MLLT3: variants seen among roughly 807,000 people sequenced by gnomAD.
MLLT3 encodes the protein protein AF-9.
Under a neutral mutation model 53.2 loss-of-function variants are expected in MLLT3, and 4 were observed. The observed-to-expected ratio is 0.08, with a 90% CI of 0.04 to 0.17. The LOEUF is 0.17. Ranked by LOEUF, MLLT3 falls within the 10% of genes least tolerant of loss-of-function variation. The pLI, the probability that MLLT3 is intolerant of heterozygous loss-of-function variation, is 1.00. For synonymous variants in MLLT3, 283 were observed against 230.6 expected (o/e 1.23, Z -2.06); for missense variants, 569 against 684.0 (o/e 0.83, Z 1.87).
chr9:20,585,309 C>T (rs750637518), intron 2 of MLLT3, among the ~76,000 whole-genome samples: 1 of 152,120 alleles, frequency 6.6e-6, no homozygotes, highest in Admixed American at 6.5e-5. Flanking sequence ...TACACAACAT[C>T]CTGTCCCTTC....
intron 2 of MLLT3, among the ~76,000 whole-genome samples, chr9:20,593,258 C>T (rs574435881): frequency 6.6e-6 from 1 of 152,310 alleles, no homozygotes; most frequent in South Asian, 2.1e-4. Context: ...CAGATCTCAA[C>T]ATTTAAAAAT....
At chr9:20,535,230 T>C (rs1372171674) in intron 2 of MLLT3, among the ~76,000 whole-genome samples, 2 of 152,216 alleles carry the variant, frequency 1.3e-5, no homozygotes, top group Non-Finnish European at 2.9e-5. Flanking sequence ...TGAGGGATCT[T>C]GGTTGTGCAC....
chr9:20,358,442 C>A (rs1056615305), intron 8 of MLLT3, among the ~76,000 whole-genome samples: 2 of 152,186 alleles, frequency 1.3e-5, no homozygotes, highest in African/African-American at 4.8e-5. Context: ...GCCAAATAAA[C>A]ACGCCAAGGA....
intron 2 of MLLT3, among the ~76,000 whole-genome samples, chr9:20,473,824 T>C (rs184546955): frequency 9.9e-4 from 151 of 152,246 alleles, no homozygotes; most frequent in Middle Eastern, 3.4e-3. Flanking sequence ...GCCTGGCTCA[T>C]ATACAACAAT....
chr9:20,620,935 C>A lies in MLLT3; in HGVS notation c.13-101G>T. 64 of 1,294,818 alleles carry A rather than the reference C, an allele frequency of 4.9e-5. No homozygotes were observed. The highest frequency in any genetic ancestry group is 9.9e-5 in the East Asian group (4 of 40,528). 80.2% of individuals were successfully genotyped at this position (1,294,818 alleles called of 1,614,324 possible). The stretch of plus-strand genomic sequence containing the variant: ...TTTTTTTCCTCCTTCTTGAAACGCA[C>A]ATAAAAGGAAACGGCGGTGCCCTCT... On this transcript the variant is annotated intron_variant, in intron 1 of 10. Transcript: ENST00000380338. The surrounding 1 kb of genome is among the most constrained non-coding windows in gnomAD (Gnocchi z 6.1).
intron 4 of MLLT3, among the ~76,000 whole-genome samples, chr9:20,442,607 C>A (rs1823582517): frequency 6.6e-6 from 1 of 152,140 alleles, no homozygotes; most frequent in Non-Finnish European, 1.5e-5. Flanking sequence ...AGATTCATTC[C>A]AAATCCTTGT....
At chr9:20,504,381 T>A (rs1825331085) in intron 2 of MLLT3, among the ~76,000 whole-genome samples, 3 of 146,966 alleles carry the variant, frequency 2.0e-5, no homozygotes, top group Admixed American at 1.4e-4. Flanking sequence ...TGTACAAATA[T>A]AATTATATTA....
At chr9:20,534,232 C>T (rs755348622) in intron 2 of MLLT3, among the ~76,000 whole-genome samples, 3 of 152,064 alleles carry the variant, frequency 2.0e-5, no homozygotes, top group Non-Finnish European at 2.9e-5. Flanking sequence ...AAGTTGCTAC[C>T]GTGGGAGAAC....
Position 20,391,588 on chromosome 9 carries a change from A to G in MLLT3, c.1125+22133T>C, listed in dbSNP as rs150714333. Among the ~76,000 whole-genome samples the G allele has an allele frequency of 9.7e-3, 1,470 of 152,252 alleles. 45 individuals carry two copies. The highest frequency in any genetic ancestry group is 0.058 in the Admixed American group (889 of 15,294). ...ATCATCTCATCTCACCTATCCATCTATTTATTTACTGAATATTTTCATGAG... is the reference window on the plus strand; with the variant it reads ...ATCATCTCATCTCACCTATCCATCTGTTTATTTACTGAATATTTTCATGAG... On this transcript the variant is annotated intron_variant, in intron 5 of 10. Transcript: ENST00000380338.
intron 2 of MLLT3, among the ~76,000 whole-genome samples, chr9:20,555,270 T>C (rs1819027807): frequency 6.6e-6 from 1 of 152,186 alleles, no homozygotes; most frequent in Non-Finnish European, 1.5e-5. Context: ...GAAAACACAG[T>C]TTCCTCTGTA....
chr9:20,558,932 T>C (rs1396030158), intron 2 of MLLT3, among the ~76,000 whole-genome samples: 1 of 152,184 alleles, frequency 6.6e-6, no homozygotes, highest in Admixed American at 6.5e-5. Context: ...TCTCATAGCT[T>C]AGTCACAGTC....
rs555845901 is a variant in MLLT3, at chr9:20,531,429, C to T, written c.194-74643G>A. 5.3e-5 allele frequency among the ~76,000 whole-genome samples: 8 copies of T among 152,258 alleles called. No individual in the cohort carries two copies. In the South Asian group the frequency reaches 1.7e-3, roughly 32 times the overall value. ...GGGATTACAGGTGTGAGCCACTGTA[C>T]CTGGCCTCCTTTCAACTTTATATTC... is the stretch of plus-strand genomic sequence containing the variant. On this transcript the variant is annotated intron_variant, in intron 2 of 10. Coordinates refer to ENST00000380338, the MANE Select transcript of MLLT3 (RefSeq NM_004529.4).
intron 4 of MLLT3, among the ~76,000 whole-genome samples, chr9:20,423,572 G>A (rs1265375404): frequency 6.6e-6 from 1 of 151,906 alleles, no homozygotes; most frequent in Non-Finnish European, 1.5e-5. Context: ...CTGCATTTAG[G>A]GAGGCCAAGG....
Position 20,362,531 on chromosome 9 carries a change from A to G in MLLT3, c.1331+945T>C, listed in dbSNP as rs1047289892. On this transcript the variant is annotated intron_variant, in intron 7 of 10. Coordinates refer to ENST00000380338, the MANE Select transcript of MLLT3 (RefSeq NM_004529.4). ...TAAAGAGGTTATATTCTCCTATTTA[A>G]AAGGAATGCTGACAGGTTGGTCTGA... is the stretch of plus-strand genomic sequence containing the variant. Among the ~76,000 whole-genome samples the G allele has an allele frequency of 2.6e-5, 4 of 152,118 alleles. No homozygotes were observed. The South Asian group carries it at 8.3e-4, about 32-fold the overall frequency.
intron 4 of MLLT3, among the ~76,000 whole-genome samples, chr9:20,418,846 A>G (rs536404979): frequency 2.0e-5 from 3 of 152,294 alleles, no homozygotes; most frequent in African/African-American, 7.2e-5. Flanking sequence ...GGCACTTGAT[A>G]CAGGAGGAGA....
intron 2 of MLLT3, among the ~76,000 whole-genome samples, chr9:20,545,412 G>C (rs533952705): frequency 2.0e-5 from 3 of 152,192 alleles, no homozygotes; most frequent in Non-Finnish European, 4.4e-5. Context: ...GGGTGAAGGG[G>C]AGGGGATCCA....
chr9:20,424,376 G>A (rs1056393332), intron 4 of MLLT3, among the ~76,000 whole-genome samples: 1 of 152,152 alleles, frequency 6.6e-6, no homozygotes, highest in Non-Finnish European at 1.5e-5. Flanking sequence ...AGCACATGAT[G>A]CTTCCAATTA....
chr9:20,472,361 T>TCA (rs1824416259), intron 2 of MLLT3, among the ~76,000 whole-genome samples: 1 of 152,098 alleles, frequency 6.6e-6, no homozygotes, highest in Non-Finnish European at 1.5e-5. Flanking sequence ...TGCCGGCCAT[T>TCA]CACTTATTCC....
At chr9:20,365,182 A>G (rs1167919066) in intron 6 of MLLT3, among the ~76,000 whole-genome samples, 1 of 152,200 alleles carries the variant, frequency 6.6e-6, no homozygotes, top group Admixed American at 6.5e-5. Context: ...GACCGGAAAA[A>G]GGGGAATTTC....
Sources: allele counts gnomAD v4.1 joint callset (sites outside exome capture counted in the v4.1 genomes callset), GRCh38; gene constraint gnomAD v4.1.1; non-coding constraint Gnocchi (gnomAD v3.1); transcripts MANE v1.5; gene names NCBI Gene and HGNC (gene_info 2026-07-23, HGNC 2026-07-21).